PLCXD3: variants seen among roughly 807,000 people sequenced by gnomAD.
The protein encoded by PLCXD3 is phosphatidylinositol specific phospholipase C X domain containing 3.
A neutral mutation model predicts 25.5 loss-of-function variants in PLCXD3; 19 were observed. The ratio of observed to expected loss-of-function variants is 0.75; its 90% confidence interval spans 0.52 to 1.09. PLCXD3 has a LOEUF of 1.09. Ranked by LOEUF, PLCXD3 falls within the 50% of genes least tolerant of loss-of-function variation. PLCXD3 has a pLI of 0.00. For synonymous variants in PLCXD3, 174 were observed against 137.6 expected (o/e 1.26, Z -1.85); for missense variants, 411 against 388.1 (o/e 1.06, Z -0.50).
intron 1 of PLCXD3, among the ~76,000 whole-genome samples, chr5:41,389,569 G>A (rs746666358): frequency 2.6e-5 from 4 of 152,040 alleles, no homozygotes; most frequent in Non-Finnish European, 4.4e-5. Flanking sequence ...AAAGGCTCCC[G>A]TGTACTTTCA....
At chr5:41,319,796 T>C (rs192579187) in intron 2 of PLCXD3, among the ~76,000 whole-genome samples, 60 of 151,180 alleles carry the variant, frequency 4.0e-4, no homozygotes, top group African/African-American at 9.5e-4. Context: ...ATGAAAAAAA[T>C]ACAAAAGATC....
At chr5:41,461,251 G>A (rs143280011) in intron 1 of PLCXD3, among the ~76,000 whole-genome samples, 15 of 152,068 alleles carry the variant, frequency 9.9e-5, no homozygotes, top group African/African-American at 3.4e-4. Context: ...ATAAAAGGAA[G>A]AGAATCCTAA....
Position 41,312,732 on chromosome 5 carries a change from C to T in PLCXD3, c.*885G>A, listed in dbSNP as rs1452146819. 7.0e-6 allele frequency: 1 copy of T among 143,440 alleles called. No individual in the cohort carries two copies. Among genetic ancestry groups the T allele is most frequent in the Non-Finnish European group, 1.5e-5 (1 of 66,396 alleles). The allele number at this position is 143,440 out of a possible 1,614,324, so 8.9% of individuals were successfully genotyped here. A position where few individuals can be genotyped will look rare whatever the true frequency, so the allele number is the denominator to read the frequency against. ...TCCTTCCTTCCTTCCTTCCTTCCTT[C>T]CTTCTGTCTTTTTCTTTCATCAAGA... On this transcript the variant is annotated 3_prime_UTR_variant, in exon 3 of 3. Coordinates refer to ENST00000377801, the MANE Select transcript of PLCXD3 (RefSeq NM_001005473.3).
At chr5:41,368,636 C>T (rs1745004943) in intron 2 of PLCXD3, among the ~76,000 whole-genome samples, 1 of 152,106 alleles carries the variant, frequency 6.6e-6, no homozygotes, top group Non-Finnish European at 1.5e-5. Context: ...CAAATGCTTC[C>T]AGCTTTTGCC....
intron 1 of PLCXD3, among the ~76,000 whole-genome samples, chr5:41,508,376 A>G (rs1335173059): frequency 6.6e-6 from 1 of 152,200 alleles, no homozygotes; most frequent in Non-Finnish European, 1.5e-5. Flanking sequence ...CAAATCACAA[A>G]GCCTTTCCCT....
intron 2 of PLCXD3, among the ~76,000 whole-genome samples, chr5:41,358,000 A>G (rs1180374076): frequency 6.6e-6 from 1 of 152,208 alleles, no homozygotes; most frequent in Non-Finnish European, 1.5e-5. Context: ...CTCAAAGAAG[A>G]TTATTTACTC....
intron 1 of PLCXD3, among the ~76,000 whole-genome samples, chr5:41,469,156 T>C (rs1463494506): frequency 6.6e-6 from 1 of 152,222 alleles, no homozygotes; most frequent in Admixed American, 6.5e-5. Flanking sequence ...ATCTCTAACT[T>C]TGTTAATGTG....
chr5:41,440,209 C>G (rs1219558115), intron 1 of PLCXD3, among the ~76,000 whole-genome samples: 3 of 94,834 alleles, frequency 3.2e-5, no homozygotes, highest in African/African-American at 1.3e-4. Context: ...ATTACATAAT[C>G]TCTCAATTTT....
intron 1 of PLCXD3, among the ~76,000 whole-genome samples, chr5:41,441,368 A>G (rs933436947): frequency 2.0e-5 from 3 of 152,194 alleles, no homozygotes; most frequent in Non-Finnish European, 4.4e-5. Flanking sequence ...AGTTTTCAAG[A>G]TCATTTTGCA....
In PLCXD3 at chr5:41,313,438, A is replaced by T; in HGVS notation, c.*179T>A. On this transcript the variant is annotated 3_prime_UTR_variant, in exon 3 of 3. Transcript: ENST00000377801. ...ATCAAATGGGAAATGAAATATTTATAGTAATGAAGAGTATGATTGTAATCA... is the reference window on the plus strand; with the variant it reads ...ATCAAATGGGAAATGAAATATTTATTGTAATGAAGAGTATGATTGTAATCA... The T allele has an allele frequency of 1.9e-6, 1 of 530,068 alleles. No homozygotes were observed. The highest frequency in any genetic ancestry group is 3.2e-6 in the Non-Finnish European group (1 of 317,170). The allele number at this position is 530,068 out of a possible 1,614,324, so 32.8% of individuals were successfully genotyped here.
chr5:41,494,224 T>C (rs1748786227), intron 1 of PLCXD3, among the ~76,000 whole-genome samples: 1 of 152,198 alleles, frequency 6.6e-6, no homozygotes, highest in Admixed American at 6.5e-5. Flanking sequence ...GCCTCCTAAG[T>C]AGCTGGGACT....
chr5:41,316,481 A>AAAAGT (rs1743295627), intron 2 of PLCXD3, among the ~76,000 whole-genome samples: 1 of 152,146 alleles, frequency 6.6e-6, no homozygotes, highest in Non-Finnish European at 1.5e-5. Context: ...AAGCAGAGAG[A>AAAAGT]AAAGTAAAGG....
intron 1 of PLCXD3, among the ~76,000 whole-genome samples, chr5:41,416,749 T>A (rs1392220847): frequency 6.6e-6 from 1 of 152,188 alleles, no homozygotes; most frequent in Non-Finnish European, 1.5e-5. Context: ...TCAAGAACCA[T>A]CATATCCTTT....
intron 1 of PLCXD3, among the ~76,000 whole-genome samples, chr5:41,414,676 C>CA (rs1746652360): frequency 1.3e-5 from 2 of 152,084 alleles, no homozygotes; most frequent in African/African-American, 4.8e-5. Context: ...AATCACAGCC[C>CA]AAAAATGTTA....
In PLCXD3 at chr5:41,365,383, C is replaced by T. The variant is rs140608825; in HGVS notation, c.812+16443G>A. 4.9e-3 allele frequency among the ~76,000 whole-genome samples: 749 copies of T among 152,300 alleles called. 4 individuals are homozygous for T. The highest frequency in any genetic ancestry group is 7.7e-3 in the Non-Finnish European group (527 of 68,008). On this transcript the variant is annotated intron_variant, in intron 2 of 2. Coordinates refer to ENST00000377801, the MANE Select transcript of PLCXD3 (RefSeq NM_001005473.3). ...ATGCTGAAGAAGTCACTTTTGCCAT[C>T]TTTCTTTCCTTGGAATCCCTATGGC...
chr5:41,469,044 C>T (rs140644150), intron 1 of PLCXD3, among the ~76,000 whole-genome samples: 73 of 152,234 alleles, frequency 4.8e-4, no homozygotes, highest in Non-Finnish European at 8.5e-4. Context: ...TGTTGAGGTG[C>T]ATTCCCTTTA....
At chr5:41,344,628 C>T (rs115750915) in intron 2 of PLCXD3, among the ~76,000 whole-genome samples, 1 of 151,932 alleles carries the variant, frequency 6.6e-6, no homozygotes, top group African/African-American at 2.4e-5. Context: ...TGACTGACAT[C>T]AGTTAACAGA....
chr5:41,436,403 C>T (rs1747256133), intron 1 of PLCXD3, among the ~76,000 whole-genome samples: 1 of 152,024 alleles, frequency 6.6e-6, no homozygotes, highest in African/African-American at 2.4e-5. Context: ...TGTCTCTAAG[C>T]CTTGGTTGCC....
intron 2 of PLCXD3, among the ~76,000 whole-genome samples, chr5:41,336,985 C>G (rs1361940328): frequency 2.6e-5 from 4 of 152,142 alleles, no homozygotes. Context: ...ATTCTGCGAT[C>G]ATAAAATTTG....
Sources: gnomAD v4.1 joint callset for allele counts (sites outside exome capture counted in the v4.1 genomes callset) on GRCh38, gnomAD v4.1.1 for gene constraint, MANE v1.5 for transcripts, NCBI Gene and HGNC (gene_info 2026-07-23, HGNC 2026-07-21) for gene names.